ZBTB40: variants seen among roughly 807,000 people sequenced by gnomAD.
ZBTB40 encodes zinc finger and BTB domain-containing protein 40.
ZBTB40 carries 60 observed loss-of-function variants against 117.5 expected under a neutral mutation model. The observed-to-expected ratio is 0.51, with a 90% CI of 0.41 to 0.63. The LOEUF (loss-of-function observed/expected upper bound fraction) is 0.63, where lower values mean the gene tolerates loss of function less well. ZBTB40 is among the 30% of genes least tolerant of loss of function. ZBTB40 has a pLI of 0.00. For synonymous variants in ZBTB40, 525 were observed against 577.1 expected, an observed-to-expected ratio of 0.91 and a Z score of 1.29; for missense variants, 1,287 against 1,498.5, an observed-to-expected ratio of 0.86 and a Z score of 2.33.
At chr1:22,486,351 G>A (rs1477624663) in intron 1 of ZBTB40, among the ~76,000 whole-genome samples, 1 of 152,162 alleles carries the variant, frequency 6.6e-6, no homozygotes, top group Non-Finnish European at 1.5e-5. Flanking sequence ...GCTGGAGTTG[G>A]GTATTTGTTT....
Position 22,508,880 on chromosome 1 carries a change from G to A in ZBTB40, c.1699+149G>A, listed in dbSNP as rs209730. On this transcript the variant is annotated intron_variant, in intron 8 of 17. Coordinates refer to ENST00000375647, the MANE Select transcript of ZBTB40 (RefSeq NM_014870.4). ...GGCAGTTTTGTTCAAGGACACAAGA[G>A]TTTGTAAACCTTTTAAAAAATAGAT... The A allele has an allele frequency of 6.6e-4, 731 of 1,109,536 alleles. 4 individuals are homozygous for A. The African/African-American group carries it at 9.9e-3, about 15-fold the overall frequency. 68.7% of individuals were successfully genotyped at this position (1,109,536 alleles called of 1,614,324 possible).
intron 1 of ZBTB40, among the ~76,000 whole-genome samples, chr1:22,477,639 A>C (rs1203774088): frequency 1.3e-5 from 2 of 150,188 alleles, no homozygotes; most frequent in Non-Finnish European, 1.5e-5. Context: ...TCAGAGCGAG[A>C]CTCTGTCTCA....
rs78069399 is a variant in ZBTB40, at chr1:22,476,201, CTG to C, written c.-69-13677_-69-13676del. ...TTTCTGGTTTTTCTCCTGTGTATGA[CTG>C]TTGTTTCCTTATAACTTAGAGGATC... On this transcript the variant is annotated intron_variant, in intron 1 of 17. Coordinates refer to ENST00000375647, the MANE Select transcript of ZBTB40 (RefSeq NM_014870.4). Among the ~76,000 whole-genome samples the C allele has an allele frequency of 9.8e-3, 1,499 of 152,258 alleles. 95 individuals are homozygous for C. The East Asian group carries it at 0.17, about 18-fold the overall frequency.
intron 12 of ZBTB40, among the ~76,000 whole-genome samples, chr1:22,514,574 C>T (rs209723): frequency 0.46 from 70,558 of 152,014 alleles, 18,484 homozygotes; most frequent in African/African-American, 0.69. Flanking sequence ...AGACATCTCA[C>T]GTTTCACTTC....
At chr1:22,434,976 T>G (rs560760608) in intron 1 of ZBTB40, among the ~76,000 whole-genome samples, 2 of 152,188 alleles carry the variant, frequency 1.3e-5, no homozygotes, top group Non-Finnish European at 2.9e-5. Flanking sequence ...AGAAATGGTA[T>G]GTGTTTCCGT....
chr1:22,437,561 A>G (rs933742648), intron 1 of ZBTB40, among the ~76,000 whole-genome samples: 4 of 151,760 alleles, frequency 2.6e-5, no homozygotes, highest in African/African-American at 9.7e-5. Context: ...GCTGAACTAC[A>G]GGCACGCACC....
intron 1 of ZBTB40, among the ~76,000 whole-genome samples, chr1:22,474,313 T>C (rs778735491): frequency 6.6e-5 from 10 of 152,236 alleles, no homozygotes; most frequent in Non-Finnish European, 1.2e-4. Flanking sequence ...GATACTATCA[T>C]GAACCCAGGA....
At chr1:22,437,307 T>C (rs960106679) in intron 1 of ZBTB40, among the ~76,000 whole-genome samples, 1 of 152,156 alleles carries the variant, frequency 6.6e-6, no homozygotes, top group Admixed American at 6.5e-5. Flanking sequence ...TAGAGGCTCA[T>C]TGTGGACAAG....
Position 22,513,039 on chromosome 1 carries a change from C to T in ZBTB40, c.2577C>T (p.Thr859=), listed in dbSNP as rs1436507050. Residue 859 remains threonine, a synonymous_variant, in exon 12 of 18, where the codon ACC becomes ACT. Transcript: ENST00000375647. This position sits in a 1 kb window ranked among gnomAD's most constrained non-coding sequence, Gnocchi z 4.9. ...STLKNHLRLH[T]GDRPFMCKHC... ...TGAAGAACCACCTTCGCCTTCACAC[C>T]GGGGACCGCCCGTTCATGTGCAAGC... 1.1e-5 allele frequency: 18 copies of T among 1,614,034 alleles called. No individual in the cohort carries two copies. The highest frequency in any genetic ancestry group is 1.4e-5 in the Non-Finnish European group (16 of 1,180,042).
At position 22,468,633 on chromosome 1, in the gene ZBTB40, G is replaced by T. The variant is rs1355391843; in HGVS notation, c.-70+16629G>T. On this transcript the variant is annotated intron_variant, in intron 1 of 17. Transcript: ENST00000375647. ...TGGGAGTATAGGCATGTGCCACCATGCCTGGCTGGCTTTTTTTTTTTTTTT... is the reference window on the plus strand; with the variant it reads ...TGGGAGTATAGGCATGTGCCACCATTCCTGGCTGGCTTTTTTTTTTTTTTT... 1.3e-4 allele frequency among the ~76,000 whole-genome samples: 16 copies of T among 119,712 alleles called. No homozygotes were observed. In the Admixed American group the frequency reaches 1.5e-3, roughly 11 times the overall value. 78.5% of individuals were successfully genotyped at this position (119,712 alleles called of 152,430 possible). A position where few individuals can be genotyped will look rare whatever the true frequency, so the allele number is the denominator to read the frequency against.
intron 1 of ZBTB40, among the ~76,000 whole-genome samples, chr1:22,445,840 G>T (rs373301429): frequency 7.7e-6 from 1 of 130,508 alleles, no homozygotes; most frequent in African/African-American, 2.9e-5. Flanking sequence ...GGGCAATAGC[G>T]CAAGACTCCG....
rs1382042171 is a variant in ZBTB40, at chr1:22,501,543, A to G, written c.883A>G (p.Ile295Val). The G allele has an allele frequency of 1.2e-6, 2 of 1,614,176 alleles. No individual in the cohort carries two copies. Among genetic ancestry groups the G allele is most frequent in the Admixed American group, 3.3e-5 (2 of 60,020 alleles). Residue 295 changes from isoleucine to valine, a missense_variant, in exon 4 of 18, where the codon ATC (isoleucine) becomes GTC (valine). Physicochemically the swap from Ile to Val is conservative, Grantham distance 29. Coordinates refer to ENST00000375647, the MANE Select transcript of ZBTB40 (RefSeq NM_014870.4). ...GEGGHSAFQR[I>V]LGKVREESLD... ...AGGAGGACATTCAGCATTCCAGAGA[A>G]TCCTGGGTAAAGTAAGAGAGGAAAG...
chr1:22,431,449 C>A (rs1377398490), intron 1 of ZBTB40, among the ~76,000 whole-genome samples: 3 of 145,306 alleles, frequency 2.1e-5, no homozygotes, highest in African/African-American at 7.8e-5. Flanking sequence ...GTGTAAAGAT[C>A]TTTTACTGGC....
In ZBTB40 at chr1:22,452,449, G is replaced by A. The variant is rs113611316; in HGVS notation, c.-70+445G>A. Reference sequence around the variant, plus strand: ...TTTGTTTACAGTTGCAAATGGTTAGGGGGAAGAATATTTCATGTAATTTGC... The same window carrying A: ...TTTGTTTACAGTTGCAAATGGTTAGAGGGAAGAATATTTCATGTAATTTGC... On this transcript the variant is annotated intron_variant, in intron 1 of 17. Transcript: ENST00000375647. Among the ~76,000 whole-genome samples, 696 of 152,336 alleles carry A rather than the reference G, an allele frequency of 4.6e-3. 7 individuals carry two copies. Among genetic ancestry groups the A allele is most frequent in the African/African-American group, 0.016 (655 of 41,570 alleles).
rs762881655 is a variant in ZBTB40, at chr1:22,513,173, C to T, written c.2668+43C>T. 1.0e-5 allele frequency: 16 copies of T among 1,593,624 alleles called. No individual in the cohort carries two copies. The African/African-American group carries it at 1.1e-4, about 11-fold the overall frequency. ...TCATTTCTCCTGCAGACTTTCACTG[C>T]GAACTGCCTAAACCCCATTTGGATT... On this transcript the variant is annotated intron_variant, in intron 12 of 17. Coordinates refer to ENST00000375647, the MANE Select transcript of ZBTB40 (RefSeq NM_014870.4). This position sits in a 1 kb window ranked among gnomAD's most constrained non-coding sequence, Gnocchi z 4.9.
At chr1:22,510,329 T>C (rs1045695210) in intron 9 of ZBTB40, among the ~76,000 whole-genome samples, 5 of 152,186 alleles carry the variant, frequency 3.3e-5, no homozygotes, top group African/African-American at 9.7e-5. Context: ...GGCACACATT[T>C]CTGTGGGGCT....
At chr1:22,483,591 A>G (rs1224899641) in intron 1 of ZBTB40, among the ~76,000 whole-genome samples, 2 of 152,162 alleles carry the variant, frequency 1.3e-5, no homozygotes, top group Non-Finnish European at 2.9e-5. Context: ...ATCTTCTTTG[A>G]TGAGGTGTCT....
At chr1:22,502,798 C>A (rs927859256) in intron 5 of ZBTB40, among the ~76,000 whole-genome samples, 1 of 152,170 alleles carries the variant, frequency 6.6e-6, no homozygotes, top group Non-Finnish European at 1.5e-5. Context: ...CTGTAAACAA[C>A]TGTATCCAGA....
At position 22,526,632 on chromosome 1, in the gene ZBTB40, A is replaced by C; in HGVS notation, c.*236A>C. On this transcript the variant is annotated 3_prime_UTR_variant, in exon 18 of 18. Coordinates refer to ENST00000375647, the MANE Select transcript of ZBTB40 (RefSeq NM_014870.4). The stretch of plus-strand genomic sequence containing the variant: ...CTGTAGCAGACAGGCCTCCCTCCCC[A>C]CAGGCCCGCTGCTGCGGCCTCTATG... 1.9e-6 allele frequency: 1 copy of C among 536,522 alleles called. No individual in the cohort carries two copies. Among genetic ancestry groups the C allele is most frequent in the Non-Finnish European group, 3.4e-6 (1 of 294,502 alleles). 33.2% of individuals were successfully genotyped at this position (536,522 alleles called of 1,614,324 possible). A position where few individuals can be genotyped will look rare whatever the true frequency, so the allele number is the denominator to read the frequency against.
Sources: gnomAD v4.1 joint callset for allele counts (sites outside exome capture counted in the v4.1 genomes callset) on GRCh38, gnomAD v4.1.1 for gene constraint, Gnocchi (gnomAD v3.1) non-coding constraint, MANE v1.5 for transcripts, NCBI Gene and HGNC (gene_info 2026-07-23, HGNC 2026-07-21) for gene names.